Variants in ATAD2B observed in about 807,000 individuals in gnomAD.
ATAD2B encodes ATPase family AAA domain-containing protein 2B.
A neutral mutation model predicts 167.6 loss-of-function variants in ATAD2B; 40 were observed. The observed-to-expected ratio is 0.24, with a 90% confidence interval of 0.19 to 0.31. ATAD2B has a LOEUF of 0.31. Among genes scored for constraint, ATAD2B ranks in the 10% least tolerant of loss-of-function variants. ATAD2B has a pLI of 1.00. For missense variants in ATAD2B, 1,242 were observed against 1,757.2 expected (o/e 0.71, Z 5.24); for synonymous variants, 579 against 596.5 (o/e 0.97, Z 0.43).
chr2:23,851,208 G>A (rs147611343), intron 13 of ATAD2B, among the ~76,000 whole-genome samples: 57 of 152,246 alleles, frequency 3.7e-4, no homozygotes, highest in East Asian at 1.4e-3. Flanking sequence ...TCGGTGGCAC[G>A]ATTGTGGCTC....
chr2:23,842,217 G>A (rs1433068356), intron 13 of ATAD2B, among the ~76,000 whole-genome samples: 2 of 152,034 alleles, frequency 1.3e-5, no homozygotes, highest in Non-Finnish European at 2.9e-5. Flanking sequence ...CTTTTGGATT[G>A]ACTTTTAAAA....
the ATAD2B span, among the ~76,000 whole-genome samples, chr2:23,700,155 T>C: frequency 2.0e-5 from 3 of 152,192 alleles, no homozygotes; most frequent in Non-Finnish European, 4.4e-5. This position sits in a 1 kb window ranked among gnomAD's most constrained non-coding sequence, Gnocchi z 4.6. Flanking sequence ...AATCTTTCAT[T>C]ATCCAGTTGG....
At chr2:23,913,427 G>A (rs1381945832) in intron 1 of ATAD2B, among the ~76,000 whole-genome samples, 7 of 152,088 alleles carry the variant, frequency 4.6e-5, no homozygotes, top group Non-Finnish European at 8.8e-5. Context: ...ATCACTTGAG[G>A]TCAGGAGTTC....
the ATAD2B span, chr2:23,693,168 G>A: frequency 0.18 from 246,117 of 1,383,300 alleles, 24,250 homozygotes; most frequent in Non-Finnish European, 0.19. Context: ...AGGGTCCCCC[G>A]GGATGTGGGT....
chr2:23,875,823 C>A lies in ATAD2B; in HGVS notation c.977+6G>T. On this transcript the variant is annotated splice_donor_region_variant and intron_variant, in intron 8 of 27. Coordinates refer to ENST00000238789, the MANE Select transcript of ATAD2B (RefSeq NM_017552.4). ...GCAAATGTTTCCTTTCAAAAACAAA[C>A]CTTACCTAATATGGCTTCTTCTTGC... The A allele has an allele frequency of 6.3e-7, 1 of 1,598,904 alleles. No homozygotes were observed. The highest frequency in any genetic ancestry group is 8.5e-7 in the Non-Finnish European group (1 of 1,170,242).
rs774764124 is a variant in ATAD2B at position 23,926,737 on chromosome 2, G to C, written c.34C>G (p.Leu12Val). Residue 12 changes from leucine (L) to valine (V), a missense_variant, in exon 1 of 28, where the codon CTC becomes GTC. Leu to Val is a conservative substitution (Grantham distance 32, BLOSUM62 1). This residue lies in a region of ATAD2B where 199 missense variants were observed against 194.9 expected (regional missense o/e 1.02). Transcript: ENST00000238789. ...CCGGGACCAGGAGACTTGGACCCGA[G>C]AAGGCGGAGAGAGCTCTTCCGGGTG... ...VNTRKSSLRL[L>V]GSKSPGPGPG... The C allele has an allele frequency of 4.5e-6, 7 of 1,548,142 alleles. No individual in the cohort carries two copies. The highest frequency in any genetic ancestry group is 2.0e-5 in the Admixed American group (1 of 50,914).
chr2:23,690,049 G>A, the ATAD2B span: 5 of 152,238 alleles, frequency 3.3e-5, no homozygotes, highest in African/African-American at 1.2e-4. Context: ...TGTGTGGGGA[G>A]GGCCTACTGT....
At chr2:23,768,729 T>C (rs1419325485) in intron 22 of ATAD2B, among the ~76,000 whole-genome samples, 1 of 152,230 alleles carries the variant, frequency 6.6e-6, no homozygotes, top group African/African-American at 2.4e-5. Flanking sequence ...TCTAGAATTA[T>C]ATATACGAGT....
At chr2:23,702,571 C>T in the ATAD2B span, among the ~76,000 whole-genome samples, 1 of 152,202 alleles carries the variant, frequency 6.6e-6, no homozygotes, top group African/African-American at 2.4e-5. Flanking sequence ...TCCCATCCAC[C>T]TAGCTAGTAG....
the ATAD2B span, among the ~76,000 whole-genome samples, chr2:23,736,206 G>A: frequency 6.6e-6 from 1 of 151,914 alleles, no homozygotes; most frequent in Non-Finnish European, 1.5e-5. Flanking sequence ...AGCTGATCTA[G>A]CTGAACAGTT....
chr2:23,855,680 G>T (rs543455335), intron 13 of ATAD2B, among the ~76,000 whole-genome samples: 56 of 152,308 alleles, frequency 3.7e-4, no homozygotes, highest in Middle Eastern at 3.4e-3. Flanking sequence ...CTTGAGACTA[G>T]GTGTCAGAAA....
At chr2:23,829,356 C>T (rs1420593837) in intron 14 of ATAD2B, among the ~76,000 whole-genome samples, 1 of 152,168 alleles carries the variant, frequency 6.6e-6, no homozygotes, top group Non-Finnish European at 1.5e-5. Flanking sequence ...ACAAACTTTA[C>T]ATTTCATAGA....
chr2:23,739,469 G>C, the ATAD2B span, among the ~76,000 whole-genome samples: 1 of 152,150 alleles, frequency 6.6e-6, no homozygotes, highest in African/African-American at 2.4e-5. Flanking sequence ...ATAATGAAGT[G>C]AAGGCAGAAA....
the ATAD2B span, chr2:23,708,520 C>A: frequency 6.6e-6 from 1 of 152,302 alleles, no homozygotes; most frequent in Admixed American, 6.5e-5. Context: ...TGATATAAAA[C>A]AGGGTTCTCT....
intron 10 of ATAD2B, among the ~76,000 whole-genome samples, 191 bp downstream of exon 10, chr2:23,867,644 C>T (rs1429326605): frequency 2.0e-5 from 3 of 152,174 alleles, no homozygotes; most frequent in East Asian, 1.9e-4. Flanking sequence ...TTACATATTC[C>T]AGTAACACTG....
chr2:23,839,415 T>C (rs948900510), intron 13 of ATAD2B, among the ~76,000 whole-genome samples: 1 of 152,130 alleles, frequency 6.6e-6, no homozygotes, highest in Non-Finnish European at 1.5e-5. Context: ...TACTTTATAT[T>C]CCTTGTTCTC....
chr2:23,779,307 C>T (rs1362572549), intron 22 of ATAD2B, among the ~76,000 whole-genome samples: 1 of 151,212 alleles, frequency 6.6e-6, no homozygotes, highest in Non-Finnish European at 1.5e-5. Context: ...TCCTGAGTAG[C>T]TGTGACTATA....
chr2:23,798,898 C>G (rs1195472608), intron 18 of ATAD2B, among the ~76,000 whole-genome samples: 1 of 152,152 alleles, frequency 6.6e-6, no homozygotes, highest in Non-Finnish European at 1.5e-5. Context: ...TCACAAAATA[C>G]TCTAACTTAT....
chr2:23,856,792 G>A (rs1341329440), intron 13 of ATAD2B, among the ~76,000 whole-genome samples: 1 of 152,078 alleles, frequency 6.6e-6, no homozygotes, highest in Non-Finnish European at 1.5e-5. Flanking sequence ...CCCAGGAAGT[G>A]GAGGTTGCAG....
Sources: allele counts gnomAD v4.1 joint callset (sites outside exome capture counted in the v4.1 genomes callset), GRCh38; gene constraint gnomAD v4.1.1; regional missense constraint gnomAD v4.1.1; non-coding constraint Gnocchi (gnomAD v3.1); transcripts MANE v1.5; gene names NCBI Gene and HGNC (gene_info 2026-07-23, HGNC 2026-07-21).